Variants in NXPE1 observed in about 807,000 individuals in gnomAD.
The protein encoded by NXPE1 is NXPE family member 1.
In NXPE1, 31 loss-of-function variants were observed where a neutral mutation model predicts 33.3. That is an observed-to-expected ratio of 0.93 (90% CI 0.70 to 1.26). NXPE1 has a LOEUF of 1.26. Ranked by LOEUF, NXPE1 falls within the 50% of genes most tolerant of loss-of-function variation. NXPE1 has a pLI of 0.00. For synonymous variants in NXPE1, 229 were observed against 231.4 expected (o/e 0.99, Z 0.09); for missense variants, 661 against 655.6 (o/e 1.01, Z -0.09).
chr11:114,551,155 G>T (rs1460260251), exon 5 of NXPE1: 1 of 1,535,094 alleles, frequency 6.5e-7, no homozygotes, highest in Non-Finnish European at 8.7e-7. Flanking sequence ...TACTGAAAAA[G>T]AGATCAAGAT....
chr11:114,520,443 G>A (rs1221832986), downstream of NXPE1, among the ~76,000 whole-genome samples: 1 of 152,156 alleles, frequency 6.6e-6, no homozygotes, highest in Non-Finnish European at 1.5e-5. Flanking sequence ...AAATATAGCA[G>A]CATCTCCTTT....
chr11:114,530,993 G>A (rs1947558549), intron 5 of NXPE1, 85 bp from the exon 6 acceptor site: 2 of 1,316,088 alleles, frequency 1.5e-6, no homozygotes, highest in African/African-American at 3.0e-5. Flanking sequence ...TTTGTTTACA[G>A]TGAATATTTG....
chr11:114,550,660 G>A (rs79909188), intron 5 of NXPE1, among the ~76,000 whole-genome samples: 3 of 152,032 alleles, frequency 2.0e-5, no homozygotes, highest in Non-Finnish European at 2.9e-5. Context: ...ATCTTTGAGC[G>A]GGAAAAACTT....
chr11:114,519,661 C>T (rs1947163734), downstream of NXPE1, among the ~76,000 whole-genome samples: 1 of 152,082 alleles, frequency 6.6e-6, no homozygotes, highest in African/African-American at 2.4e-5. Flanking sequence ...GGAGGGCATT[C>T]TAGTCAGAAG....
At chr11:114,523,014 A>G in exon 8 of NXPE1, 1 of 1,613,640 alleles carries the variant, frequency 6.2e-7, no homozygotes, top group Non-Finnish European at 8.5e-7. Flanking sequence ...GTTGTTATCC[A>G]TTTTCCTTGT....
Position 114,540,885 on chromosome 11 carries a change from T to TTTTTTTTG in NXPE1, c.100-9978_100-9977insCAAAAAAA, listed in dbSNP as rs754802719. ...TTTTTTTTTTTTTTTTTTTTTTTTT[T>TTTTTTTTG]GGCTTGAACAACCTGAGAGCAGAGT... is the stretch of plus-strand genomic sequence containing the variant. On this transcript the variant is annotated intron_variant, in intron 5 of 8. Coordinates refer to ENST00000534921, the Ensembl canonical transcript of NXPE1. 6.2e-4 allele frequency among the ~76,000 whole-genome samples: 50 copies of TTTTTTTTG among 81,290 alleles called. 14 individuals carry two copies. Among genetic ancestry groups the TTTTTTTTG allele is most frequent in the Middle Eastern group, 6.8e-3 (1 of 148 alleles). The allele number at this position is 81,290 out of a possible 152,430, so 53.3% of individuals were successfully genotyped here.
intron 5 of NXPE1, among the ~76,000 whole-genome samples, chr11:114,547,646 G>T (rs1480606957): frequency 2.0e-5 from 3 of 151,988 alleles, no homozygotes; most frequent in Non-Finnish European, 4.4e-5. Context: ...GAGGCAGGAG[G>T]ATCACTTGAA....
chr11:114,522,688 A>C (rs1409523036), intron 8 of NXPE1, among the ~76,000 whole-genome samples, 185 bp from the exon 9 acceptor site: 1 of 152,220 alleles, frequency 6.6e-6, no homozygotes, highest in Non-Finnish European at 1.5e-5. Context: ...TAAAGTTTTC[A>C]CTGGAATTTT....
Position 114,553,672 on chromosome 11 carries a change from G to A in NXPE1, c.-210-792C>T, listed in dbSNP as rs1459811676. ...ATGGCCAGATAATCTCATTTATTCCGAAATCAATGTCTCACCTAGATTCTA... is the reference window on the plus strand; with the variant it reads ...ATGGCCAGATAATCTCATTTATTCCAAAATCAATGTCTCACCTAGATTCTA... On this transcript the variant is annotated intron_variant, in intron 1 of 8. Transcript: ENST00000534921. The A allele has an allele frequency of 3.1e-5, 30 of 970,826 alleles. No homozygotes were observed. In the East Asian group the frequency reaches 1.3e-3, roughly 41 times the overall value. 60.1% of individuals were successfully genotyped at this position (970,826 alleles called of 1,614,324 possible).
chr11:114,546,471 CT>C (rs57557121), intron 5 of NXPE1, among the ~76,000 whole-genome samples: 53,655 of 145,714 alleles, frequency 0.37, 9,840 homozygotes, highest in East Asian at 0.66. Context: ...TTTTCTTTTT[CT>C]TTTTTTTTTT....
intron 1 of NXPE1, among the ~76,000 whole-genome samples, chr11:114,558,327 C>T (rs1948706056): frequency 6.6e-6 from 1 of 151,834 alleles, no homozygotes; most frequent in Non-Finnish European, 1.5e-5. Flanking sequence ...TTTAATAGTG[C>T]TTTTATATAG....
chr11:114,553,619 A>G (rs1948577535), intron 1 of NXPE1: 4 of 644,194 alleles, frequency 6.2e-6, no homozygotes, highest in Middle Eastern at 1.5e-3. Context: ...AGCCATAAGT[A>G]ACTGCAAATC....
intron 5 of NXPE1, among the ~76,000 whole-genome samples, chr11:114,548,726 A>G (rs1948360696): frequency 6.6e-6 from 1 of 152,048 alleles, no homozygotes; most frequent in Non-Finnish European, 1.5e-5. Context: ...TAAATGAATT[A>G]AACACCCAGT....
chr11:114,538,910 T>G (rs1174169633), intron 5 of NXPE1, among the ~76,000 whole-genome samples: 2 of 152,106 alleles, frequency 1.3e-5, no homozygotes, highest in Non-Finnish European at 2.9e-5. Flanking sequence ...GAAATACCAT[T>G]TGACCCAGCC....
At chr11:114,522,568 TC>T in intron 8 of NXPE1, 65 bp from the exon 9 acceptor site, 1 of 1,353,578 alleles carries the variant, frequency 7.4e-7, no homozygotes, top group Middle Eastern at 2.0e-4. Context: ...AAAAAGAATG[TC>T]CTATCATTTA....
intron 1 of NXPE1, among the ~76,000 whole-genome samples, chr11:114,553,522 G>C (rs993713983): frequency 2.0e-5 from 3 of 152,168 alleles, no homozygotes; most frequent in Admixed American, 1.3e-4. Flanking sequence ...CAGAGTTTTG[G>C]AAATTTATTA....
At chr11:114,546,112 G>C (rs1451083514) in intron 5 of NXPE1, among the ~76,000 whole-genome samples, 1 of 152,228 alleles carries the variant, frequency 6.6e-6, no homozygotes, top group African/African-American at 2.4e-5. Context: ...ACATAACCTT[G>C]CTGGATAAAA....
At chr11:114,557,109 G>A (rs1948669039) in intron 1 of NXPE1, among the ~76,000 whole-genome samples, 1 of 151,958 alleles carries the variant, frequency 6.6e-6, no homozygotes, top group Non-Finnish European at 1.5e-5. Context: ...GGCCAGGCTG[G>A]TCTCGAATTC....
intron 4 of NXPE1, 46 bp from the exon 5 acceptor site, chr11:114,551,257 C>G: frequency 1.5e-6 from 2 of 1,318,114 alleles, no homozygotes; most frequent in South Asian, 1.3e-5. Context: ...GTGAATCTCT[C>G]TGTACTCACT....
Sources: allele counts gnomAD v4.1 joint callset (sites outside exome capture counted in the v4.1 genomes callset), GRCh38; gene constraint gnomAD v4.1.1; transcripts MANE v1.5; gene names NCBI Gene and HGNC (gene_info 2026-07-23, HGNC 2026-07-21).